Variants in LRSAM1 observed in about 807,000 individuals in gnomAD.
LRSAM1 encodes the protein leucine rich repeat and sterile alpha motif containing 1.
LRSAM1 carries 96 observed loss-of-function variants against 118.1 expected under a neutral mutation model. That is an observed-to-expected ratio of 0.81 (90% CI 0.69 to 0.96). The LOEUF is 0.96. Ranked by LOEUF, LRSAM1 falls within the 40% of genes least tolerant of loss-of-function variation. LRSAM1 has a pLI of 0.00. For missense variants in LRSAM1, 804 were observed against 915.5 expected, an observed-to-expected ratio of 0.88 and a Z score of 1.57; for synonymous variants, 322 against 364.2, an observed-to-expected ratio of 0.88 and a Z score of 1.32.
At chr9:127,473,672 C>A in intron 10 of LRSAM1, 129 bp from the exon 11 acceptor site, 1 of 1,329,510 alleles carries the variant, frequency 7.5e-7, no homozygotes, top group Non-Finnish European at 1.1e-6. Context: ...ACGAAGCGCC[C>A]AGGCTAGGGA....
chr9:127,503,147 C>A lies in LRSAM1; in HGVS notation c.*248C>A. On this transcript the variant is annotated 3_prime_UTR_variant, in exon 26 of 26. Coordinates refer to ENST00000300417, the MANE Select transcript of LRSAM1 (RefSeq NM_001005373.4). ...GGGGCTGGAGAGGCCGCTGCACCAC[C>A]ACCCGAGCCTGGGAGCCAGCGTCCC... 1.8e-6 allele frequency: 1 copy of A among 553,390 alleles called. No individual in the cohort carries two copies. 34.3% of individuals were successfully genotyped at this position (553,390 alleles called of 1,614,324 possible). A position where few individuals can be genotyped will look rare whatever the true frequency, so the allele number is the denominator to read the frequency against.
At position 127,465,332 on chromosome 9, in the gene LRSAM1, C is replaced by G. The variant is rs1000061236; in HGVS notation, c.529-2408C>G. Among the ~76,000 whole-genome samples the G allele has an allele frequency of 2.0e-5, 3 of 152,182 alleles. No homozygotes were observed. The highest frequency in any genetic ancestry group is 4.4e-5 in the Non-Finnish European group (3 of 68,026). ...CCCAGCCACTTGTAGCTGCTGGGCC[C>G]TTGAAATGTGGTGACTGCAACCAAC... On this transcript the variant is annotated intron_variant, in intron 9 of 25. Coordinates refer to ENST00000300417, the MANE Select transcript of LRSAM1 (RefSeq NM_001005373.4). The surrounding 1 kb of genome is among the most constrained non-coding windows in gnomAD (Gnocchi z 4.1).
intron 14 of LRSAM1, among the ~76,000 whole-genome samples, chr9:127,480,898 C>A (rs1835511939): frequency 6.6e-6 from 1 of 152,124 alleles, no homozygotes; most frequent in African/African-American, 2.4e-5. Flanking sequence ...AGGCTGGTCT[C>A]GAACTCCTGA....
chr9:127,478,437 T>C (rs571472834), intron 11 of LRSAM1, among the ~76,000 whole-genome samples: 2 of 152,384 alleles, frequency 1.3e-5, no homozygotes, highest in Admixed American at 1.3e-4. Flanking sequence ...AATAGTCCAC[T>C]GTATGGATGC....
rs144896392 is a variant in LRSAM1, at chr9:127,495,211, C to G, written c.1600-109C>G. ...CAGGTGATCTGCCCACCTTGGCCCC[C>G]CAAAGTGCTGGGATTACAGGCATGA... On this transcript the variant is annotated intron_variant, in intron 21 of 25. Coordinates refer to ENST00000300417, the MANE Select transcript of LRSAM1 (RefSeq NM_001005373.4). The G allele has an allele frequency of 6.2e-4, 621 of 1,000,378 alleles. 5 individuals are homozygous for G. In the African/African-American group the frequency reaches 8.8e-3, roughly 14 times the overall value. 62.0% of individuals were successfully genotyped at this position (1,000,378 alleles called of 1,614,324 possible). A position where few individuals can be genotyped will look rare whatever the true frequency, so the allele number is the denominator to read the frequency against.
At chr9:127,501,523 G>T (rs1836393277) in intron 25 of LRSAM1, among the ~76,000 whole-genome samples, 1 of 152,118 alleles carries the variant, frequency 6.6e-6, no homozygotes, top group Non-Finnish European at 1.5e-5. Flanking sequence ...CCTGAGGTCA[G>T]GAGTTTGAGG....
chr9:127,473,982 A>T (rs768799611), intron 11 of LRSAM1, 51 bp downstream of exon 11: 1 of 1,612,702 alleles, frequency 6.2e-7, no homozygotes, highest in East Asian at 2.2e-5. Context: ...GTGCGTGTGC[A>T]TGTATGTGTG....
At chr9:127,489,729 G>A (rs896154007) in intron 19 of LRSAM1, among the ~76,000 whole-genome samples, 7 of 152,172 alleles carry the variant, frequency 4.6e-5, no homozygotes, top group Admixed American at 6.5e-5. Flanking sequence ...CTCCTATTCC[G>A]GGGTCTGGCG....
chr9:127,487,147 G>C (rs1408057150), intron 17 of LRSAM1, among the ~76,000 whole-genome samples: 1 of 148,408 alleles, frequency 6.7e-6, no homozygotes, highest in East Asian at 2.0e-4. Flanking sequence ...TCACACCACT[G>C]CACTCCAGCC....
intron 11 of LRSAM1, among the ~76,000 whole-genome samples, chr9:127,474,260 CTTT>C (rs111823259): frequency 2.2e-5 from 3 of 139,500 alleles, no homozygotes; most frequent in Non-Finnish European, 3.1e-5. Context: ...TCCTTCAGTT[CTTT>C]TTTTTTTTTT....
intron 17 of LRSAM1, among the ~76,000 whole-genome samples, chr9:127,487,036 T>C (rs1250974196): frequency 2.0e-5 from 3 of 151,704 alleles, no homozygotes; most frequent in Non-Finnish European, 4.4e-5. Flanking sequence ...TACAAACAAT[T>C]AGCCAAACGT....
At chr9:127,486,181 A>G (rs767095874) in intron 17 of LRSAM1, among the ~76,000 whole-genome samples, 5 of 152,236 alleles carry the variant, frequency 3.3e-5, no homozygotes, top group East Asian at 1.9e-4. Flanking sequence ...GAGAAACTGT[A>G]TAACGCACCC....
Position 127,501,128 on chromosome 9 carries a change from G to C in LRSAM1, c.2031G>C (p.Val677=). The C allele has an allele frequency of 6.2e-7, 1 of 1,613,446 alleles. No individual in the cohort carries two copies. The highest frequency in any genetic ancestry group is 8.5e-7 in the Non-Finnish European group (1 of 1,180,008). ...ELEVQASECV[V]CLEREAQMIF... is the part of the protein sequence containing the mutation. The stretch of plus-strand genomic sequence containing the variant: ...AGGTGCAGGCCTCAGAGTGTGTCGT[G>C]TGCCTGGAACGGGAGGTAAGTCCGG... Residue 677 remains valine, a synonymous_variant, in exon 25 of 26, where the codon GTG becomes GTC. Coordinates refer to ENST00000300417, the MANE Select transcript of LRSAM1 (RefSeq NM_001005373.4).
At position 127,491,259 on chromosome 9, in the gene LRSAM1, G is replaced by C. The variant is rs903016363; in HGVS notation, c.1467G>C (p.Glu489Asp). ...ETELLQLTQLELKRKSLDTES... is the reference protein window; with the variant it reads ...ETELLQLTQLDLKRKSLDTES... ...AGTTATTGCAGCTGACACAGCTGGA[G>C]TTAAAGAGGAAGTCCCTGGACACAG... The change falls in exon 20 of 26, where the codon GAG becomes GAC. Residue 489 changes from glutamate to aspartate, a missense_variant. By Grantham distance (45) the Glu-to-Asp change is conservative (BLOSUM62 2). Coordinates refer to ENST00000300417, the MANE Select transcript of LRSAM1 (RefSeq NM_001005373.4). The C allele has an allele frequency of 6.2e-7, 1 of 1,613,942 alleles. No homozygotes were observed. The highest frequency in any genetic ancestry group is 8.5e-7 in the Non-Finnish European group (1 of 1,180,020).
In LRSAM1 at chr9:127,491,271, G is replaced by A; in HGVS notation, c.1479G>A (p.Lys493=). The change falls in exon 20 of 26, where the codon AAG becomes AAA. Residue 493 remains lysine, a synonymous_variant. Coordinates refer to ENST00000300417, the MANE Select transcript of LRSAM1 (RefSeq NM_001005373.4). ...LQLTQLELKR[K]SLDTESLQEM... ...TGACACAGCTGGAGTTAAAGAGGAAGTCCCTGGACACAGAGTCACTCCAGG... is the reference window on the plus strand; with the variant it reads ...TGACACAGCTGGAGTTAAAGAGGAAATCCCTGGACACAGAGTCACTCCAGG... 6.2e-7 allele frequency: 1 copy of A among 1,613,844 alleles called. No homozygotes were observed. The highest frequency in any genetic ancestry group is 8.5e-7 in the Non-Finnish European group (1 of 1,179,972).
Position 127,455,629 on chromosome 9 carries a change from G to C in LRSAM1, c.174+9G>C. 1 of 1,612,778 alleles carries C rather than the reference G, an allele frequency of 6.2e-7. No homozygotes were observed. The highest frequency in any genetic ancestry group is 8.5e-7 in the Non-Finnish European group (1 of 1,179,262). On this transcript the variant is annotated intron_variant, in intron 5 of 25. Transcript: ENST00000300417. Reference sequence around the variant, plus strand: ...AAGTTCTGCAGAAGAAGGTAAGATGGAGCTTCATCTTCAGAGACTTTCTTG... The same window carrying C: ...AAGTTCTGCAGAAGAAGGTAAGATGCAGCTTCATCTTCAGAGACTTTCTTG...
intron 25 of LRSAM1, 101 bp downstream of exon 25, chr9:127,501,244 C>CT (rs1836381493): frequency 2.1e-6 from 3 of 1,428,464 alleles, no homozygotes; most frequent in South Asian, 1.3e-5. Context: ...CTCCAGTTCT[C>CT]TAAGTAGACT....
chr9:127,501,521 C>T (rs1336805041), intron 25 of LRSAM1, among the ~76,000 whole-genome samples: 1 of 152,108 alleles, frequency 6.6e-6, no homozygotes, highest in African/African-American at 2.4e-5. Context: ...CACCTGAGGT[C>T]AGGAGTTTGA....
intron 3 of LRSAM1, 137 bp downstream of exon 3, chr9:127,454,736 G>C (rs1352159326): frequency 9.9e-7 from 1 of 1,014,664 alleles, no homozygotes; most frequent in Non-Finnish European, 1.5e-6. Flanking sequence ...ATTTGACTTA[G>C]ACCCAACAGA....
Sources: allele counts gnomAD v4.1 joint callset (sites outside exome capture counted in the v4.1 genomes callset), GRCh38; gene constraint gnomAD v4.1.1; non-coding constraint Gnocchi (gnomAD v3.1); transcripts MANE v1.5; gene names NCBI Gene and HGNC (gene_info 2026-07-23, HGNC 2026-07-21).